MCEE: variants seen among roughly 807,000 people sequenced by gnomAD.
MCEE encodes methylmalonyl-CoA epimerase.
MCEE carries 6 observed loss-of-function variants against 12.9 expected under a neutral mutation model. The ratio of observed to expected loss-of-function variants is 0.47; its 90% CI spans 0.26 to 0.92. MCEE has a LOEUF of 0.92. Among genes scored for constraint, MCEE ranks in the 40% least tolerant of loss-of-function variants. The pLI, the probability that MCEE is intolerant of heterozygous loss-of-function variation, is 0.16. For synonymous variants in MCEE, 78 were observed against 77.9 expected, an observed-to-expected ratio of 1.00 and a Z score of -0.01; for missense variants, 214 against 212.1, an observed-to-expected ratio of 1.01 and a Z score of -0.05.
chr2:71,116,474 C>T (rs1672999135), intron 2 of MCEE, among the ~76,000 whole-genome samples: 1 of 149,274 alleles, frequency 6.7e-6, no homozygotes, highest in African/African-American at 2.6e-5. Context: ...TTGATTCTGC[C>T]CCTTCACCTG....
At chr2:71,126,443 G>T (rs1331805879) in intron 1 of MCEE, among the ~76,000 whole-genome samples, 1 of 151,880 alleles carries the variant, frequency 6.6e-6, no homozygotes, top group African/African-American at 2.4e-5. Context: ...GGCCAGGCTG[G>T]TCTCGAACTC....
At chr2:71,122,743 G>C (rs1673124077) in intron 2 of MCEE, among the ~76,000 whole-genome samples, 1 of 152,126 alleles carries the variant, frequency 6.6e-6, no homozygotes, top group African/African-American at 2.4e-5. Context: ...ATGAGATTTG[G>C]GTGGGGACAC....
intron 2 of MCEE, among the ~76,000 whole-genome samples, chr2:71,123,724 A>T (rs1270736545): frequency 6.6e-6 from 1 of 152,228 alleles, no homozygotes; most frequent in Non-Finnish European, 1.5e-5. Context: ...AATTCAGAAG[A>T]TCTTAAAAAT....
In MCEE at chr2:71,130,168, C is replaced by T; in HGVS notation, c.40+12G>A. ...TGTCCCATGGCGAAGGTCGCCGGTG[C>T]CCGGTATTCACCTACGGCATTCGCG... On this transcript the variant is annotated intron_variant, in intron 1 of 2. Coordinates refer to ENST00000244217, the MANE Select transcript of MCEE (RefSeq NM_032601.4). 1 of 1,608,176 alleles carries T rather than the reference C, an allele frequency of 6.2e-7. No homozygotes were observed.
intron 2 of MCEE, among the ~76,000 whole-genome samples, chr2:71,121,766 C>A (rs1007014636): frequency 6.6e-6 from 1 of 152,024 alleles, no homozygotes; most frequent in African/African-American, 2.4e-5. Flanking sequence ...ACACTCAGGT[C>A]CACTGACAAA....
At chr2:71,114,080 A>T (rs1187213577) in intron 2 of MCEE, among the ~76,000 whole-genome samples, 1 of 152,152 alleles carries the variant, frequency 6.6e-6, no homozygotes, top group Non-Finnish European at 1.5e-5. Flanking sequence ...ATCCTAGAAA[A>T]AGGTTAGAAA....
chr2:71,113,265 T>C (rs572551322), intron 2 of MCEE, among the ~76,000 whole-genome samples: 242 of 152,314 alleles, frequency 1.6e-3, no homozygotes, highest in Non-Finnish European at 3.0e-3. Context: ...AATATAGTTA[T>C]ATACAGAAAT....
chr2:71,123,491 T>C (rs1418222176), intron 2 of MCEE, among the ~76,000 whole-genome samples: 6 of 102,942 alleles, frequency 5.8e-5, no homozygotes, highest in African/African-American at 2.4e-4. Context: ...AGACTCCGTC[T>C]CAAAAAAAAA....
intron 1 of MCEE, among the ~76,000 whole-genome samples, chr2:71,125,211 A>ATATATATATATATATATATATTTTT: frequency 2.1e-5 from 1 of 48,594 alleles, no homozygotes; most frequent in African/African-American, 6.0e-5. Flanking sequence ...ATATATATAT[A>ATATATATATATATATATATATTTTT]TTTTTTTTTT....
rs552097742 is a variant in MCEE, at chr2:71,113,690, T to A, written c.379-3568A>T. ...GAAAAAAAGTAGTATTAGATTGTAA[T>A]GCAAGTCATAAAATAAATATCCACA... On this transcript the variant is annotated intron_variant, in intron 2 of 2. Coordinates refer to ENST00000244217, the MANE Select transcript of MCEE (RefSeq NM_032601.4). Among the ~76,000 whole-genome samples, 59 of 152,320 alleles carry A rather than the reference T, an allele frequency of 3.9e-4. No homozygotes were observed. The South Asian group carries it at 0.012, about 30-fold the overall frequency.
At chr2:71,112,554 G>C (rs1394274907) in intron 2 of MCEE, among the ~76,000 whole-genome samples, 1 of 148,346 alleles carries the variant, frequency 6.7e-6, no homozygotes, top group Non-Finnish European at 1.5e-5. Context: ...TCCTGCCTCA[G>C]CCTCCTGAGT....
intron 2 of MCEE, among the ~76,000 whole-genome samples, chr2:71,121,402 A>T (rs1673099113): frequency 6.6e-6 from 1 of 152,144 alleles, no homozygotes; most frequent in East Asian, 1.9e-4. Flanking sequence ...TTAGACTGAA[A>T]ACAGAAAAAT....
chr2:71,118,497 A>T (rs1407686185), intron 2 of MCEE: 1 of 150,106 alleles, frequency 6.7e-6, no homozygotes, highest in Non-Finnish European at 1.5e-5. Context: ...GCTCAGAAAA[A>T]ACAGAAATTT....
At chr2:71,120,963 C>T (rs1278047972) in intron 2 of MCEE, among the ~76,000 whole-genome samples, 1 of 152,178 alleles carries the variant, frequency 6.6e-6, no homozygotes, top group Admixed American at 6.5e-5. Flanking sequence ...TCTCAAACTC[C>T]TGAGCTCAGG....
chr2:71,130,198 C>A lies in MCEE; in HGVS notation c.22G>T (p.Ala8Ser). The change falls in exon 1 of 3, where the codon GCA becomes TCA. Residue 8 changes from alanine to serine, a missense_variant. By Grantham distance (99) the Ala-to-Ser change is moderately conservative (BLOSUM62 1). Coordinates refer to ENST00000244217, the MANE Select transcript of MCEE (RefSeq NM_032601.4). MARVLKA[A>S]AANAVGLFSR... ...TATTCACCTACGGCATTCGCGGCTG[C>A]AGCCTTCAGCACCCGCGCCATTTTG... 8 of 1,608,126 alleles carry A rather than the reference C, an allele frequency of 5.0e-6. No homozygotes were observed. Among genetic ancestry groups the A allele is most frequent in the Non-Finnish European group, 5.9e-6 (7 of 1,178,226 alleles).
intron 1 of MCEE, among the ~76,000 whole-genome samples, chr2:71,126,542 A>G (rs1338619291): frequency 6.9e-6 from 1 of 144,478 alleles, no homozygotes; most frequent in Non-Finnish European, 1.5e-5. Context: ...GTACATTTTT[A>G]AAGGGTTTTG....
Position 71,124,322 on chromosome 2 carries a change from A to G in MCEE, c.262T>C (p.Phe88Leu). 6.2e-7 allele frequency: 1 copy of G among 1,614,230 alleles called. No homozygotes were observed. Among genetic ancestry groups the G allele is most frequent in the South Asian group, 1.1e-5 (1 of 91,086 alleles). Residue 88 changes from phenylalanine to leucine, a missense_variant, in exon 2 of 3, where the codon TTT becomes CTT. Coordinates refer to ENST00000244217, the MANE Select transcript of MCEE (RefSeq NM_032601.4). ...PLPEHGVSVV[F>L]VNLGNTKMEL... ...ATCTTGGTATTTCCCAGGTTGACAA[A>G]AACAACAGATACTCCATGTTCAGGA...
chr2:71,126,471 C>T (rs1023748204), intron 1 of MCEE, among the ~76,000 whole-genome samples: 1 of 151,558 alleles, frequency 6.6e-6, no homozygotes, highest in African/African-American at 2.4e-5. Context: ...CGTGATCCGC[C>T]CACCTCGGCC....
At position 71,130,213 on chromosome 2, in the gene MCEE, G is replaced by T; in HGVS notation, c.7C>A (p.Arg3=). ...TTCGCGGCTGCAGCCTTCAGCACCC[G>T]CGCCATTTTGGAAAGCAACCCGCCA... MA[R]VLKAAAANAV... is the part of the protein sequence containing the mutation. Residue 3 remains arginine (R), a synonymous_variant, in exon 1 of 3, where the codon CGG becomes AGG. Transcript: ENST00000244217. The T allele has an allele frequency of 6.2e-7, 1 of 1,607,468 alleles. No individual in the cohort carries two copies. The highest frequency in any genetic ancestry group is 8.5e-7 in the Non-Finnish European group (1 of 1,177,832).
Sources: gnomAD v4.1 joint callset for allele counts (sites outside exome capture counted in the v4.1 genomes callset) on GRCh38, gnomAD v4.1.1 for gene constraint, MANE v1.5 for transcripts, NCBI Gene and HGNC (gene_info 2026-07-23, HGNC 2026-07-21) for gene names.